Variants in C10orf90 observed in about 807,000 individuals in gnomAD.
C10orf90 encodes the protein (E2-independent) E3 ubiquitin-conjugating enzyme FATS.
A neutral mutation model predicts 62.5 loss-of-function variants in C10orf90; 56 were observed. That is an observed-to-expected ratio of 0.90 (90% confidence interval 0.72 to 1.12). C10orf90 has a LOEUF of 1.12. Among genes scored for constraint, C10orf90 ranks in the 50% most tolerant of loss-of-function variants. The pLI, the probability that C10orf90 is intolerant of heterozygous loss-of-function variation, is 0.00. For synonymous variants in C10orf90, 386 were observed against 340.4 expected (o/e 1.13, Z -1.47); for missense variants, 970 against 880.4 (o/e 1.10, Z -1.29).
chr10:126,495,414 C>T (rs1861991261), intron 4 of C10orf90, among the ~76,000 whole-genome samples: 1 of 152,206 alleles, frequency 6.6e-6, no homozygotes, highest in Non-Finnish European at 1.5e-5. Flanking sequence ...CTTGTACCAC[C>T]TAAGGTCAAT....
chr10:126,436,038 C>T (rs570853613), intron 7 of C10orf90, among the ~76,000 whole-genome samples: 1 of 152,262 alleles, frequency 6.6e-6, no homozygotes, highest in Admixed American at 6.5e-5. Context: ...ATAGGAACTG[C>T]TAAGGAAGGC....
chr10:126,428,729 C>A (rs755155019), intron 8 of C10orf90, among the ~76,000 whole-genome samples: 1 of 152,108 alleles, frequency 6.6e-6, no homozygotes, highest in Non-Finnish European at 1.5e-5. Flanking sequence ...GAGGATTTGG[C>A]TGAAATTTTT....
chr10:126,640,294 T>C (rs1033535314), intron 2 of C10orf90, among the ~76,000 whole-genome samples: 9 of 152,256 alleles, frequency 5.9e-5, no homozygotes, highest in African/African-American at 2.2e-4. Flanking sequence ...TGCTCAAAGC[T>C]CTTGAAGAGC....
chr10:126,459,297 A>G (rs1859794889), intron 6 of C10orf90, 80 bp from the exon 7 acceptor site: 1 of 1,533,052 alleles, frequency 6.5e-7, no homozygotes, highest in South Asian at 1.1e-5. Context: ...GCAGCCAAGA[A>G]GCCGATGGCA....
intron 1 of C10orf90, among the ~76,000 whole-genome samples, chr10:126,650,675 C>T (rs911478180): frequency 1.3e-5 from 2 of 152,182 alleles, no homozygotes; most frequent in Admixed American, 6.5e-5. Flanking sequence ...GAGTGGGATG[C>T]CCCAGCTGGC....
intron 4 of C10orf90, chr10:126,469,846 T>G (rs1860474234): frequency 2.2e-6 from 1 of 456,576 alleles, no homozygotes; most frequent in Admixed American, 2.3e-5. Context: ...GAACACCCAC[T>G]CTGCATGGGC....
At chr10:126,451,292 T>C (rs1859169933) in intron 7 of C10orf90, among the ~76,000 whole-genome samples, 1 of 151,966 alleles carries the variant, frequency 6.6e-6, no homozygotes, top group African/African-American at 2.4e-5. Context: ...TCCTCAAAAA[T>C]GCAAAAATAG....
chr10:126,626,546 C>T (rs1211171572), intron 2 of C10orf90, among the ~76,000 whole-genome samples: 2 of 152,120 alleles, frequency 1.3e-5, no homozygotes, highest in Non-Finnish European at 2.9e-5. Flanking sequence ...AAAACCTTAC[C>T]CTGGCTTGAG....
chr10:126,554,842 ACAAT>A (rs1484981537), intron 2 of C10orf90, among the ~76,000 whole-genome samples: 1 of 152,250 alleles, frequency 6.6e-6, no homozygotes, highest in Non-Finnish European at 1.5e-5. Flanking sequence ...AATGTATAGC[ACAAT>A]CAAGCCAACA....
At chr10:126,538,153 G>A (rs1864283832) in intron 2 of C10orf90, among the ~76,000 whole-genome samples, 1 of 152,164 alleles carries the variant, frequency 6.6e-6, no homozygotes, top group Non-Finnish European at 1.5e-5. Context: ...AAGGAGAAAG[G>A]CACATCCACA....
At chr10:126,608,482 CT>C (rs2133797133) in intron 2 of C10orf90, among the ~76,000 whole-genome samples, 1 of 152,284 alleles carries the variant, frequency 6.6e-6, no homozygotes, top group South Asian at 2.1e-4. Context: ...GATATATGCA[CT>C]TAACCACAAA....
chr10:126,606,559 G>A (rs574212777), intron 2 of C10orf90, among the ~76,000 whole-genome samples: 13 of 152,244 alleles, frequency 8.5e-5, no homozygotes, highest in South Asian at 4.1e-4. Context: ...AGCTCACCGC[G>A]GACAAACAGA....
intron 1 of C10orf90, among the ~76,000 whole-genome samples, chr10:126,655,117 G>A (rs898259101): frequency 2.0e-5 from 3 of 152,026 alleles, no homozygotes; most frequent in Admixed American, 6.6e-5. Context: ...TCAGGAGATC[G>A]AGACCATCCT....
chr10:126,664,889 G>A (rs1334760007), intron 1 of C10orf90, among the ~76,000 whole-genome samples: 1 of 152,220 alleles, frequency 6.6e-6, no homozygotes, highest in Non-Finnish European at 1.5e-5. Flanking sequence ...CAGTTGACAG[G>A]TGCAGGGAGG....
chr10:126,611,252 T>C (rs561599959), intron 2 of C10orf90, among the ~76,000 whole-genome samples: 2 of 152,328 alleles, frequency 1.3e-5, no homozygotes, highest in South Asian at 4.1e-4. Flanking sequence ...AAATGTATTG[T>C]CCCTAGTGTC....
intron 6 of C10orf90, among the ~76,000 whole-genome samples, chr10:126,460,947 G>T (rs1859934151): frequency 6.6e-6 from 1 of 152,152 alleles, no homozygotes. Context: ...ATTGGGAAAA[G>T]ATGCCAAACT....
Position 126,532,842 on chromosome 10 carries a change from C to CAAAAAAAAAAAAAAAAAA in C10orf90, c.314-18904_314-18903insTTTTTTTTTTTTTTTTTT, listed in dbSNP as rs1269013268. 3.6e-3 allele frequency among the ~76,000 whole-genome samples: 43 copies of CAAAAAAAAAAAAAAAAAA among 12,088 alleles called. 7 individuals are homozygous for CAAAAAAAAAAAAAAAAAA. Among genetic ancestry groups the CAAAAAAAAAAAAAAAAAA allele is most frequent in the Non-Finnish European group, 5.3e-3 (38 of 7,218 alleles). The allele number at this position is 12,088 out of a possible 152,430, so 7.9% of individuals were successfully genotyped here. A position where few individuals can be genotyped will look rare whatever the true frequency, so the allele number is the denominator to read the frequency against. The stretch of plus-strand genomic sequence containing the variant: ...TGGGCAACAGAGCGAGACTACGTCT[C>CAAAAAAAAAAAAAAAAAA]AAAAAAAAAAAAAAATAGTGAGCAC... On this transcript the variant is annotated intron_variant, in intron 2 of 9. Coordinates refer to ENST00000488181, the MANE Select transcript of C10orf90 (RefSeq NM_001350921.2).
intron 4 of C10orf90, among the ~76,000 whole-genome samples, chr10:126,470,587 A>G (rs1188658701): frequency 6.6e-6 from 1 of 151,832 alleles, no homozygotes; most frequent in Non-Finnish European, 1.5e-5. Flanking sequence ...AAAACAAACA[A>G]ACAAACAAAC....
intron 4 of C10orf90, among the ~76,000 whole-genome samples, chr10:126,465,269 CCT>C (rs746836215): frequency 4.6e-5 from 7 of 152,106 alleles, no homozygotes; most frequent in Non-Finnish European, 8.8e-5. Flanking sequence ...TCAAATCCCA[CCT>C]CTGCTACATT....
Sources: allele counts gnomAD v4.1 joint callset (sites outside exome capture counted in the v4.1 genomes callset), GRCh38; gene constraint gnomAD v4.1.1; transcripts MANE v1.5; gene names NCBI Gene and HGNC (gene_info 2026-07-23, HGNC 2026-07-21).